Variants in CSF1R observed in about 807,000 individuals in gnomAD.
The protein encoded by CSF1R is colony stimulating factor 1 receptor.
In CSF1R, 40 loss-of-function variants were observed where a neutral mutation model predicts 110.0. That is an observed-to-expected ratio of 0.36 (90% CI 0.28 to 0.47). CSF1R has a LOEUF of 0.47. CSF1R is among the 20% of genes least tolerant of loss of function. CSF1R has a pLI of 0.99. For missense variants in CSF1R, 1,052 were observed against 1,253.0 expected (o/e 0.84, Z 2.42); for synonymous variants, 523 against 503.4 (o/e 1.04, Z -0.52).
chr5:150,085,362 A>C lies in CSF1R; in HGVS notation c.49+1017T>G, dbSNP rs74361477. Among the ~76,000 whole-genome samples the C allele has an allele frequency of 5.5e-3, 836 of 150,724 alleles. 9 individuals carry two copies. Among genetic ancestry groups the C allele is most frequent in the African/African-American group, 0.019 (794 of 40,880 alleles). Reference sequence around the variant, plus strand: ...ATGGTCAGTGGGCCATCTCCTCCTCATCAGGGACCAGAAGCGCCACGGCCT... The same window carrying C: ...ATGGTCAGTGGGCCATCTCCTCCTCCTCAGGGACCAGAAGCGCCACGGCCT... On this transcript the variant is annotated intron_variant, in intron 1 of 20. Transcript: ENST00000675795.
At chr5:150,080,371 C>A in intron 2 of CSF1R, 35 bp from the exon 3 acceptor site, 1 of 1,597,022 alleles carries the variant, frequency 6.3e-7, no homozygotes, top group Non-Finnish European at 8.5e-7. Context: ...TACAACTGCC[C>A]TCCCTCCACT....
chr5:150,089,906 G>C (rs1007239544), upstream of CSF1R, among the ~76,000 whole-genome samples: 1 of 152,154 alleles, frequency 6.6e-6, no homozygotes, highest in Non-Finnish European at 1.5e-5. Flanking sequence ...TTCAACAAGG[G>C]TGGCAGGACC....
In CSF1R at chr5:150,053,598, A is replaced by G. The variant is rs888559399; in HGVS notation, c.*471T>C. ...TTCTTAGAGGAGCCATCCTGCTCCA[A>G]GGGGCCTGAGCTGAGTGTGGTCTGT... On this transcript the variant is annotated 3_prime_UTR_variant, in exon 21 of 21. Coordinates refer to ENST00000675795, the MANE Select transcript of CSF1R (RefSeq NM_001288705.3). 2.3e-5 allele frequency: 6 copies of G among 255,516 alleles called. No homozygotes were observed. The highest frequency in any genetic ancestry group is 4.6e-5 in the Non-Finnish European group (6 of 131,722). The allele number at this position is 255,516 out of a possible 1,614,324, so 15.8% of individuals were successfully genotyped here. A position where few individuals can be genotyped will look rare whatever the true frequency, so the allele number is the denominator to read the frequency against.
chr5:150,112,211 G>A (rs923779384), intron 1 of CSF1R, among the ~76,000 whole-genome samples: 13 of 147,430 alleles, frequency 8.8e-5, no homozygotes, highest in African/African-American at 3.3e-4. Context: ...CTTTGCCCTT[G>A]AATAAACTTC....
chr5:150,074,224 T>A (rs1446569891), intron 5 of CSF1R, among the ~76,000 whole-genome samples: 4 of 152,142 alleles, frequency 2.6e-5, no homozygotes, highest in Admixed American at 6.5e-5. Context: ...CATGAGCTTT[T>A]TAGCTATAAG....
chr5:150,085,277 G>GAAAAAAAAAAAAAAAAA (rs70973563), intron 1 of CSF1R, among the ~76,000 whole-genome samples: 5,003 of 90,826 alleles, frequency 0.055, 337 homozygotes, highest in East Asian at 0.099. Context: ...TCTGTCTCAG[G>GAAAAAAAAAAAAAAAAA]AAAAAAAAAA....
intron 1 of CSF1R, among the ~76,000 whole-genome samples, chr5:150,110,103 T>TCACCTGCTCCATCCTGACTCATCCTGAGC (rs1759672971): frequency 6.6e-6 from 1 of 152,196 alleles, no homozygotes; most frequent in African/African-American, 2.4e-5. Context: ...TTGACCTGAG[T>TCACCTGCTCCATCCTGACTCATCCTGAGC]CACCTGCTCC....
At chr5:150,100,539 C>G (rs1357290885) in intron 1 of CSF1R, among the ~76,000 whole-genome samples, 1 of 151,594 alleles carries the variant, frequency 6.6e-6, no homozygotes, top group African/African-American at 2.4e-5. Flanking sequence ...TGTTCATTTC[C>G]GGCTATACAA....
chr5:150,094,606 G>C, intron 1 of CSF1R: 1 of 1,569,582 alleles, frequency 6.4e-7, no homozygotes, highest in Admixed American at 1.7e-5. Flanking sequence ...AATGGAGTGA[G>C]CCCAAAGGTT....
chr5:150,083,117 TGGCTTGGCTAGCAGGGAAGGAAGCC>T (rs1339966823), intron 1 of CSF1R, among the ~76,000 whole-genome samples: 1 of 152,044 alleles, frequency 6.6e-6, no homozygotes, highest in African/African-American at 2.4e-5. Flanking sequence ...CTTCCCCTGC[TGGCTTGGCTAGCAGGGAAGGAAGCC>T]GGCTTGGCCC....
At chr5:150,095,254 T>C (rs902907809) in intron 1 of CSF1R, among the ~76,000 whole-genome samples, 5 of 151,902 alleles carry the variant, frequency 3.3e-5, no homozygotes, top group African/African-American at 9.7e-5. Context: ...ATCAGCAAGG[T>C]TATAGAAAAC....
intron 12 of CSF1R, 37 bp downstream of exon 12, chr5:150,061,454 C>CCCCCATCCCCT: frequency 5.3e-6 from 1 of 190,030 alleles, no homozygotes; most frequent in Non-Finnish European, 1.1e-5. Flanking sequence ...GCATCTACCA[C>CCCCCATCCCCT]CCCCCATCCC....
chr5:150,087,134 A>G (rs1758875225), upstream of CSF1R, among the ~76,000 whole-genome samples: 1 of 152,194 alleles, frequency 6.6e-6, no homozygotes, highest in Non-Finnish European at 1.5e-5. Flanking sequence ...TTCAAATTGA[A>G]TCGGAGGGCA....
chr5:150,102,166 C>T (rs1177013633), intron 1 of CSF1R, among the ~76,000 whole-genome samples: 3 of 151,984 alleles, frequency 2.0e-5, no homozygotes, highest in East Asian at 1.9e-4. Context: ...GTGGGATCGC[C>T]GGGTCAAAGG....
intron 10 of CSF1R, among the ~76,000 whole-genome samples, chr5:150,066,055 G>T (rs1335154053): frequency 7.9e-5 from 12 of 152,178 alleles, no homozygotes; most frequent in Non-Finnish European, 1.5e-4. Flanking sequence ...AGTGAGTAAG[G>T]TCCTGTCCCT....
upstream of CSF1R, among the ~76,000 whole-genome samples, chr5:150,090,173 A>T (rs993043922): frequency 8.5e-5 from 13 of 152,226 alleles, no homozygotes; most frequent in Admixed American, 3.3e-4. Flanking sequence ...AAAATTGGAC[A>T]TAATAAAAAT....
chr5:150,097,470 G>C (rs1345708201), intron 1 of CSF1R, among the ~76,000 whole-genome samples: 3 of 152,062 alleles, frequency 2.0e-5, no homozygotes, highest in Admixed American at 2.0e-4. Context: ...AAGAAAAAGA[G>C]TTCAAAAGAA....
chr5:150,061,465 T>A, intron 12 of CSF1R, 26 bp downstream of exon 12: 164 of 480,918 alleles, frequency 3.4e-4, no homozygotes, highest in Non-Finnish European at 4.8e-4. Flanking sequence ...CCCCCATCCC[T>A]TCCCTCATCC....
chr5:150,078,704 C>T (rs1179903724), intron 3 of CSF1R, among the ~76,000 whole-genome samples: 2 of 152,264 alleles, frequency 1.3e-5, no homozygotes, highest in African/African-American at 4.8e-5. Flanking sequence ...AACCCCACCC[C>T]TTGTTCACTG....
Sources: allele counts gnomAD v4.1 joint callset (sites outside exome capture counted in the v4.1 genomes callset), GRCh38; gene constraint gnomAD v4.1.1; transcripts MANE v1.5; gene names NCBI Gene and HGNC (gene_info 2026-07-23, HGNC 2026-07-21).